The following ANKRD30B variants were observed in gnomAD, a reference collection of about 807,000 sequenced individuals.
ANKRD30B encodes the protein ankyrin repeat domain 30B.
In ANKRD30B, 144 loss-of-function variants were observed where a neutral mutation model predicts 202.2. The observed-to-expected ratio is 0.71, with a 90% CI of 0.62 to 0.82. The LOEUF (loss-of-function observed/expected upper bound fraction) is 0.82, where lower values mean the gene tolerates loss of function less well. Among genes scored for constraint, ANKRD30B ranks in the 40% least tolerant of loss-of-function variants. The pLI, the probability that ANKRD30B is intolerant of heterozygous loss-of-function variation, is 0.00. For synonymous variants in ANKRD30B, 508 were observed against 561.3 expected (o/e 0.91, Z 1.34); for missense variants, 1,487 against 1,669.1 (o/e 0.89, Z 1.90).
chr18:14,822,299 C>T (rs1020322412), intron 30 of ANKRD30B, among the ~76,000 whole-genome samples, 184 bp from the exon 31 acceptor site: 1 of 151,642 alleles, frequency 6.6e-6, no homozygotes, highest in African/African-American at 2.4e-5. Flanking sequence ...TTTAAATTTT[C>T]TTAGGTATAT....
chr18:14,820,767 G>A (rs1424511212), intron 30 of ANKRD30B, among the ~76,000 whole-genome samples: 2 of 152,112 alleles, frequency 1.3e-5, no homozygotes, highest in African/African-American at 4.8e-5. Flanking sequence ...CATTTTGCCA[G>A]TATTTTATTG....
In ANKRD30B at chr18:14,793,986, T is replaced by C. The variant is rs34194036; in HGVS notation, c.1826-2235T>C. On this transcript the variant is annotated intron_variant, in intron 16 of 43. Transcript: ENST00000690538. ...TGACTAAAAAGCATCATAATAATTA[T>C]AGATGTCAACAAGCCTTTGTTTAAG... Among the ~76,000 whole-genome samples the C allele has an allele frequency of 2.9e-4, 44 of 152,202 alleles. No individual in the cohort carries two copies. In the South Asian group the frequency reaches 3.5e-3, roughly 12 times the overall value.
At chr18:14,911,951 G>T in the ANKRD30B span, among the ~76,000 whole-genome samples, 1 of 152,026 alleles carries the variant, frequency 6.6e-6, no homozygotes, top group South Asian at 2.1e-4. Context: ...AAATTTTACT[G>T]AATTATGTAC....
intron 16 of ANKRD30B, among the ~76,000 whole-genome samples, chr18:14,794,029 G>A (rs955087496): frequency 6.6e-6 from 1 of 152,122 alleles, no homozygotes. Context: ...CCTACTTCAC[G>A]CTATATTAGA....
the ANKRD30B span, among the ~76,000 whole-genome samples, chr18:14,893,168 C>T: frequency 1.3e-5 from 2 of 152,108 alleles, no homozygotes; most frequent in Non-Finnish European, 2.9e-5. Context: ...CCTTATCAAC[C>T]CTATTTTCTA....
At chr18:14,791,013 T>A (rs1459342555) in intron 15 of ANKRD30B, among the ~76,000 whole-genome samples, 20 of 152,210 alleles carry the variant, frequency 1.3e-4, no homozygotes. Context: ...TGTAAATCCA[T>A]CTGGTCCTGG....
rs529097979 is a variant in ANKRD30B at position 14,767,907 on chromosome 18, G to C, written c.1226-1436G>C. ...TGAAATCACAGAAATCAAAACCATG[G>C]ATATTATATTGTGAAATCTATATTT... On this transcript the variant is annotated intron_variant, in intron 7 of 43. Transcript: ENST00000690538. Among the ~76,000 whole-genome samples the C allele has an allele frequency of 2.2e-4, 34 of 152,290 alleles. 1 individual carries two copies. The highest frequency in any genetic ancestry group is 6.5e-4 in the African/African-American group (27 of 41,542).
At chr18:14,865,549 C>G in the ANKRD30B span, among the ~76,000 whole-genome samples, 1 of 151,596 alleles carries the variant, frequency 6.6e-6, no homozygotes, top group East Asian at 1.9e-4. Flanking sequence ...TTTTCACTAC[C>G]GTCTTTCTGT....
chr18:14,867,184 G>A, the ANKRD30B span, among the ~76,000 whole-genome samples: 1 of 151,312 alleles, frequency 6.6e-6, no homozygotes, highest in Non-Finnish European at 1.5e-5. Context: ...CAACACCCGT[G>A]GCAGGGATGG....
At chr18:14,879,028 G>A in the ANKRD30B span, among the ~76,000 whole-genome samples, 2 of 151,992 alleles carry the variant, frequency 1.3e-5, no homozygotes, top group Non-Finnish European at 1.5e-5. Flanking sequence ...CAGGCAGGCC[G>A]GGGGCACCGC....
At chr18:14,873,349 C>T in the ANKRD30B span, among the ~76,000 whole-genome samples, 1 of 151,966 alleles carries the variant, frequency 6.6e-6, no homozygotes, top group Non-Finnish European at 1.5e-5. Context: ...CATGGTGAAA[C>T]TCCATCTCTA....
intron 24 of ANKRD30B, among the ~76,000 whole-genome samples, chr18:14,804,638 C>T (rs1371883321): frequency 6.6e-6 from 1 of 150,390 alleles, no homozygotes; most frequent in Non-Finnish European, 1.5e-5. Flanking sequence ...GGTAGAAGGT[C>T]AGGACAGAAA....
At chr18:14,791,315 A>C in intron 15 of ANKRD30B, 86 bp from the exon 16 acceptor site, 1 of 1,159,882 alleles carries the variant, frequency 8.6e-7, no homozygotes, top group Admixed American at 2.4e-5. Context: ...TTGTGTTTTT[A>C]AAAAAGATTC....
At chr18:14,769,226 C>G (rs1916719199) in intron 7 of ANKRD30B, 117 bp from the exon 8 acceptor site, 1 of 758,006 alleles carries the variant, frequency 1.3e-6, no homozygotes, top group African/African-American at 1.8e-5. Flanking sequence ...CCTGCCTCAC[C>G]TTCCCAAGTA....
chr18:14,838,912 T>C (rs185866101), intron 36 of ANKRD30B, among the ~76,000 whole-genome samples: 36 of 152,358 alleles, frequency 2.4e-4, no homozygotes, highest in African/African-American at 8.7e-4. Flanking sequence ...ATGATTAAAG[T>C]GGCATATATG....
intron 32 of ANKRD30B, among the ~76,000 whole-genome samples, chr18:14,826,541 C>G (rs558916502): frequency 3.3e-5 from 5 of 152,062 alleles, no homozygotes; most frequent in African/African-American, 1.2e-4. Context: ...ATTGTCTAGA[C>G]TGGGGAGTAC....
At chr18:14,898,387 C>T in the ANKRD30B span, among the ~76,000 whole-genome samples, 2 of 152,004 alleles carry the variant, frequency 1.3e-5, no homozygotes, top group South Asian at 4.1e-4. Flanking sequence ...CCCTGGCATA[C>T]GCAGTTTCAC....
chr18:14,916,934 A>G, the ANKRD30B span, among the ~76,000 whole-genome samples: 2 of 152,228 alleles, frequency 1.3e-5, no homozygotes, highest in African/African-American at 4.8e-5. Flanking sequence ...GGAAAGAGGC[A>G]GAACCAGGAC....
At chr18:14,908,353 G>T in the ANKRD30B span, among the ~76,000 whole-genome samples, 12 of 152,248 alleles carry the variant, frequency 7.9e-5, 1 homozygote, top group Admixed American at 7.8e-4. Flanking sequence ...CTCCACAAAT[G>T]ACAGCTGTGC....
Sources: allele counts gnomAD v4.1 joint callset (sites outside exome capture counted in the v4.1 genomes callset), GRCh38; gene constraint gnomAD v4.1.1; transcripts MANE v1.5; gene names NCBI Gene and HGNC (gene_info 2026-07-23, HGNC 2026-07-21).